EIPR1: variants seen among roughly 807,000 people sequenced by gnomAD.
EIPR1 encodes EARP complex and GARP complex interacting protein 1, also known as EARP and GARP complex-interacting protein 1.
In EIPR1, 25 loss-of-function variants were observed where a neutral mutation model predicts 48.1. The observed-to-expected ratio is 0.52, with a 90% CI of 0.38 to 0.73. The LOEUF (loss-of-function observed/expected upper bound fraction) is 0.73. Among genes scored for constraint, EIPR1 ranks in the 30% least tolerant of loss-of-function variants. The pLI, the probability that EIPR1 is intolerant of heterozygous loss-of-function variation, is 0.00. For missense variants in EIPR1, 415 were observed against 506.2 expected (o/e 0.82, Z 1.73); for synonymous variants, 204 against 201.9 (o/e 1.01, Z -0.09).
At chr2:3,235,173 C>T (rs1666361109) in intron 4 of EIPR1, among the ~76,000 whole-genome samples, 1 of 152,216 alleles carries the variant, frequency 6.6e-6, no homozygotes, top group Non-Finnish European at 1.5e-5. Context: ...CTGATGGCTG[C>T]TTACCTGTTA....
chr2:3,210,277 C>T (rs1665398814), intron 5 of EIPR1, among the ~76,000 whole-genome samples: 1 of 152,170 alleles, frequency 6.6e-6, no homozygotes, highest in Non-Finnish European at 1.5e-5. Context: ...CAGCCACCTC[C>T]ACGTTTCAGG....
chr2:3,311,313 A>AATTACACTAAT (rs1201405988), intron 3 of EIPR1, among the ~76,000 whole-genome samples: 4 of 152,186 alleles, frequency 2.6e-5, no homozygotes, highest in Non-Finnish European at 5.9e-5. Context: ...ATTTTCAAAT[A>AATTACACTAAT]TACAATAATT....
At position 3,336,825 on chromosome 2, in the gene EIPR1, AG is replaced by A. The variant is rs748515784; in HGVS notation, c.259+1191del. 4.2e-3 allele frequency among the ~76,000 whole-genome samples: 617 copies of A among 146,622 alleles called. 70 individuals carry two copies. Among genetic ancestry groups the A allele is most frequent in the Non-Finnish European group, 5.7e-3 (378 of 66,464 alleles). On this transcript the variant is annotated intron_variant, in intron 3 of 8. Transcript: ENST00000382125. ...GAAAAGAAAAGGAAAAGAAAAGAAA[AG>A]GGAAGGGAAGGGAAAGGAAGGGAAA...
At chr2:3,340,816 G>GCCAGGCGCGGTAC (rs1670216067) in intron 2 of EIPR1, among the ~76,000 whole-genome samples, 1 of 152,088 alleles carries the variant, frequency 6.6e-6, no homozygotes, top group Admixed American at 6.5e-5. Context: ...GAATGGGTAG[G>GCCAGGCGCGGTAC]CCAGGCGCGG....
intron 3 of EIPR1, among the ~76,000 whole-genome samples, chr2:3,323,444 G>A (rs1211668455): frequency 1.3e-5 from 2 of 152,200 alleles, no homozygotes; most frequent in Non-Finnish European, 2.9e-5. Flanking sequence ...CTCCTTCACT[G>A]ATGAGGGTAA....
chr2:3,212,298 G>A (rs1665483504), intron 5 of EIPR1, among the ~76,000 whole-genome samples: 1 of 152,200 alleles, frequency 6.6e-6, no homozygotes, highest in Admixed American at 6.5e-5. Context: ...TTACAGAATA[G>A]GTCTCCACCT....
At chr2:3,319,909 C>T (rs536351543) in intron 3 of EIPR1, 5 of 94,372 alleles carry the variant, frequency 5.3e-5, no homozygotes, top group Non-Finnish European at 1.0e-4. Flanking sequence ...TGGACAACAC[C>T]GCACCTGTGG....
intron 2 of EIPR1, among the ~76,000 whole-genome samples, chr2:3,338,649 A>G (rs1299773589): frequency 6.6e-6 from 1 of 152,228 alleles, no homozygotes; most frequent in Non-Finnish European, 1.5e-5. Context: ...AGACATGATT[A>G]AGGTGGGAGA....
At chr2:3,300,015 G>A (rs902757125) in intron 3 of EIPR1, among the ~76,000 whole-genome samples, 1 of 152,132 alleles carries the variant, frequency 6.6e-6, no homozygotes, top group East Asian at 1.9e-4. Context: ...ATGCAGCCTG[G>A]CCTGGCAAAG....
At chr2:3,304,861 G>GCCCAGCTCAGCCCTCCACTC (rs1668875870) in intron 3 of EIPR1, among the ~76,000 whole-genome samples, 1 of 25,908 alleles carries the variant, frequency 3.9e-5, no homozygotes, top group Admixed American at 3.9e-4. Context: ...GCCCTCCACT[G>GCCCAGCTCAGCCCTCCACTC]CCATCCAGTT....
intron 3 of EIPR1, among the ~76,000 whole-genome samples, chr2:3,318,461 T>C (rs1374661072): frequency 1.3e-5 from 2 of 152,146 alleles, no homozygotes; most frequent in African/African-American, 4.8e-5. Flanking sequence ...CAGATGACAC[T>C]GAATTTGGAG....
At chr2:3,226,559 G>A (rs750655002) in intron 4 of EIPR1, among the ~76,000 whole-genome samples, 16 of 152,148 alleles carry the variant, frequency 1.1e-4, no homozygotes, top group Non-Finnish European at 2.2e-4. Context: ...CACTCTGTAC[G>A]CTGCCTTTTC....
At chr2:3,232,591 C>T (rs998726488) in intron 4 of EIPR1, among the ~76,000 whole-genome samples, 5 of 152,136 alleles carry the variant, frequency 3.3e-5, no homozygotes, top group African/African-American at 4.8e-5. Context: ...CTAGAATTTA[C>T]GTTGAGGTGC....
At chr2:3,242,448 G>A (rs1281425661) in intron 4 of EIPR1, among the ~76,000 whole-genome samples, 3 of 148,882 alleles carry the variant, frequency 2.0e-5, no homozygotes, top group Non-Finnish European at 1.5e-5. Context: ...GGAAGACAGA[G>A]ATTTCAGGCC....
intron 3 of EIPR1, among the ~76,000 whole-genome samples, chr2:3,310,226 C>T (rs1669081135): frequency 6.6e-6 from 1 of 152,162 alleles, no homozygotes; most frequent in Admixed American, 6.5e-5. Context: ...CAGCAAATAG[C>T]TATCCGTTCT....
intron 3 of EIPR1, among the ~76,000 whole-genome samples, chr2:3,335,251 G>A (rs1220998602): frequency 6.6e-6 from 1 of 152,226 alleles, no homozygotes; most frequent in Non-Finnish European, 1.5e-5. Flanking sequence ...GAATTCCTCT[G>A]CAGTGTATAA....
intron 4 of EIPR1, among the ~76,000 whole-genome samples, chr2:3,246,817 G>GAGGC (rs1666817280): frequency 5.1e-5 from 3 of 58,426 alleles, no homozygotes; most frequent in African/African-American, 2.3e-4. Context: ...GGGAGGGAGG[G>GAGGC]AGGGAGGAAG....
chr2:3,233,648 A>C (rs2602764), intron 4 of EIPR1, among the ~76,000 whole-genome samples: 139,210 of 152,288 alleles, frequency 0.91, 64,123 homozygotes, highest in East Asian at 0.98. Context: ...CCACCCGTCA[A>C]GTGTGTACTG....
intron 3 of EIPR1, among the ~76,000 whole-genome samples, chr2:3,274,045 C>T (rs1572384450): frequency 6.6e-6 from 1 of 152,122 alleles, no homozygotes; most frequent in East Asian, 1.9e-4. Flanking sequence ...GGCAATTTAA[C>T]AGCAGATTAG....
Sources: allele counts gnomAD v4.1 joint callset (sites outside exome capture counted in the v4.1 genomes callset), GRCh38; gene constraint gnomAD v4.1.1; transcripts MANE v1.5; gene names NCBI Gene and HGNC (gene_info 2026-07-23, HGNC 2026-07-21).